SGCD: variants seen among roughly 807,000 people sequenced by gnomAD.
SGCD encodes the protein delta-sarcoglycan.
In SGCD, 18 loss-of-function variants were observed where a neutral mutation model predicts 36.6. The ratio of observed to expected loss-of-function variants is 0.49; its 90% CI spans 0.34 to 0.73. SGCD has a LOEUF of 0.73. Ranked by LOEUF, SGCD falls within the 30% of genes least tolerant of loss-of-function variation. SGCD has a pLI of 0.01. For synonymous variants in SGCD, 133 were observed against 130.6 expected (o/e 1.02, Z -0.12); for missense variants, 387 against 346.7 (o/e 1.12, Z -0.92).
intron 3 of SGCD, among the ~76,000 whole-genome samples, chr5:156,304,520 A>C (rs1008678175): frequency 6.6e-6 from 1 of 152,210 alleles, no homozygotes. Context: ...CTGTAAGTCC[A>C]TTAAACCTTT....
chr5:156,025,423 C>A (rs778963684), intron 1 of SGCD, among the ~76,000 whole-genome samples: 1 of 152,192 alleles, frequency 6.6e-6, no homozygotes, highest in Non-Finnish European at 1.5e-5. Flanking sequence ...AAAATCCTTA[C>A]CACTCTCAGT....
At chr5:156,485,017 CT>C (rs887092015) in intron 3 of SGCD, among the ~76,000 whole-genome samples, 138 of 147,326 alleles carry the variant, frequency 9.4e-4, no homozygotes, top group Non-Finnish European at 1.0e-3. Flanking sequence ...TGGAAACAAA[CT>C]TTTTTTTTTT....
intron 3 of SGCD, among the ~76,000 whole-genome samples, chr5:156,227,813 G>C (rs113392939): frequency 2.0e-5 from 3 of 152,138 alleles, no homozygotes; most frequent in African/African-American, 7.2e-5. Flanking sequence ...CACCTTTGCT[G>C]TCTCCCGGGG....
chr5:156,504,316 C>A (rs916823167), intron 3 of SGCD, among the ~76,000 whole-genome samples: 1 of 150,350 alleles, frequency 6.7e-6, no homozygotes. Flanking sequence ...GTATAATTCC[C>A]CCTAGAATTT....
intron 6 of SGCD, among the ~76,000 whole-genome samples, chr5:156,626,587 C>G (rs536119883): frequency 3.9e-5 from 6 of 152,284 alleles, no homozygotes; most frequent in Non-Finnish European, 8.8e-5. Flanking sequence ...GACAAGTCGA[C>G]TTCTACTTGG....
intron 4 of SGCD, among the ~76,000 whole-genome samples, chr5:156,521,710 G>T (rs564767504): frequency 6.6e-6 from 1 of 152,144 alleles, no homozygotes; most frequent in Non-Finnish European, 1.5e-5. Context: ...TGCTAGTGAG[G>T]CTGTGGGGAA....
At chr5:155,929,141 AC>A (rs957865844) in intron 1 of SGCD, among the ~76,000 whole-genome samples, 13 of 152,066 alleles carry the variant, frequency 8.5e-5, no homozygotes, top group Non-Finnish European at 1.8e-4. Flanking sequence ...GGTTTTAGTG[AC>A]TTTTTTTCTG....
chr5:156,759,339 T>G lies in SGCD; in HGVS notation c.822T>G (p.Ser274=). 6.2e-7 allele frequency: 1 copy of G among 1,613,076 alleles called. No homozygotes were observed. Among genetic ancestry groups the G allele is most frequent in the South Asian group, 1.1e-5 (1 of 90,948 alleles). ...CVCANGRLFL[S]QAGAGSTCQI... is the part of the protein sequence containing the mutation. Reference sequence around the variant, plus strand: ...GCGCCAATGGGAGATTATTCCTGTCTCAGGCAGGAGCTGGGTCCACTTGTC... The same window carrying G: ...GCGCCAATGGGAGATTATTCCTGTCGCAGGCAGGAGCTGGGTCCACTTGTC... The change falls in exon 9 of 9, where the codon TCT becomes TCG. Residue 274 remains serine, a synonymous_variant. Coordinates refer to ENST00000337851, the MANE Select transcript of SGCD (RefSeq NM_000337.6).
chr5:156,119,461 A>G (rs1761981555), intron 2 of SGCD, among the ~76,000 whole-genome samples: 1 of 152,158 alleles, frequency 6.6e-6, no homozygotes, highest in Non-Finnish European at 1.5e-5. Flanking sequence ...ATTGTTGGCA[A>G]CAGGAATGCT....
intron 7 of SGCD, among the ~76,000 whole-genome samples, chr5:156,724,455 A>ACAT (rs1019030460): frequency 1.3e-5 from 2 of 152,138 alleles, no homozygotes; most frequent in East Asian, 1.9e-4. Context: ...ATACAAAAAA[A>ACAT]CATTAGCTAG....
intron 1 of SGCD, among the ~76,000 whole-genome samples, chr5:155,970,950 G>A (rs141920775): frequency 7.0e-4 from 107 of 152,216 alleles, no homozygotes; most frequent in African/African-American, 2.4e-3. Context: ...GCATGTCTGT[G>A]ATTTTTTTCA....
chr5:156,595,297 G>C lies in SGCD; in HGVS notation c.502+246G>C, dbSNP rs138502989. 0.025 allele frequency among the ~76,000 whole-genome samples: 3,740 copies of C among 152,218 alleles called. 160 individuals carry two copies. Among genetic ancestry groups the C allele is most frequent in the Admixed American group, 0.1 (1,568 of 15,282 alleles). The stretch of plus-strand genomic sequence containing the variant: ...GACCAGAGATCCCTCTCTGACATGA[G>C]AGGGTACAAGAAGTCAGCAGTCTGC... On this transcript the variant is annotated intron_variant, in intron 6 of 8. Transcript: ENST00000337851.
chr5:155,843,629 C>A, the SGCD span, among the ~76,000 whole-genome samples: 1 of 152,200 alleles, frequency 6.6e-6, no homozygotes, highest in African/African-American at 2.4e-5. Context: ...ACCATATGAT[C>A]TTCTCATTCT....
At chr5:156,253,696 G>A (rs1175395033) in intron 3 of SGCD, among the ~76,000 whole-genome samples, 1 of 152,056 alleles carries the variant, frequency 6.6e-6, no homozygotes, top group Non-Finnish European at 1.5e-5. Flanking sequence ...GATTCCTCAG[G>A]TGCCAGAAAC....
At chr5:155,833,675 C>G in the SGCD span, among the ~76,000 whole-genome samples, 1 of 152,210 alleles carries the variant, frequency 6.6e-6, no homozygotes, top group African/African-American at 2.4e-5. Context: ...TGTTTCAGCA[C>G]TTCTCAGGTG....
chr5:156,121,263 A>C (rs200191941), intron 2 of SGCD, among the ~76,000 whole-genome samples: 13 of 152,304 alleles, frequency 8.5e-5, no homozygotes, highest in Admixed American at 6.5e-4. Flanking sequence ...GAACAGTAAA[A>C]GTTTATTGAG....
At chr5:156,538,534 G>A (rs1379649649) in intron 4 of SGCD, among the ~76,000 whole-genome samples, 2 of 151,898 alleles carry the variant, frequency 1.3e-5, no homozygotes, top group Non-Finnish European at 2.9e-5. Flanking sequence ...TACAGAGCAG[G>A]TATTTAGCAA....
chr5:156,280,232 A>G (rs549551509), intron 3 of SGCD, among the ~76,000 whole-genome samples: 1 of 152,320 alleles, frequency 6.6e-6, no homozygotes, highest in African/African-American at 2.4e-5. Context: ...TGCTTCTTAT[A>G]ATGCTGAGAA....
At chr5:156,028,240 G>A (rs1251053434) in intron 1 of SGCD, among the ~76,000 whole-genome samples, 1 of 152,156 alleles carries the variant, frequency 6.6e-6, no homozygotes, top group Non-Finnish European at 1.5e-5. Flanking sequence ...GGTAGAATGT[G>A]CGTTCAGCCC....
Sources: gnomAD v4.1 joint callset for allele counts (sites outside exome capture counted in the v4.1 genomes callset) on GRCh38, gnomAD v4.1.1 for gene constraint, MANE v1.5 for transcripts, NCBI Gene and HGNC (gene_info 2026-07-23, HGNC 2026-07-21) for gene names.